PLXNA4: variants seen among roughly 807,000 people sequenced by gnomAD.
The protein encoded by PLXNA4 is plexin-A4.
In PLXNA4, 44 loss-of-function variants were observed where a neutral mutation model predicts 191.8. That is an observed-to-expected ratio of 0.23 (90% CI 0.18 to 0.29). PLXNA4 has a LOEUF of 0.29. PLXNA4 is among the 10% of genes least tolerant of loss of function. The pLI, the probability that PLXNA4 is intolerant of heterozygous loss-of-function variation, is 1.00. For missense variants in PLXNA4, 1,800 were observed against 2,488.8 expected (o/e 0.72, Z 5.89); for synonymous variants, 1,082 against 1,009.5 (o/e 1.07, Z -1.36).
chr7:132,319,092 G>T (rs111873407), intron 3 of PLXNA4, among the ~76,000 whole-genome samples: 35 of 152,222 alleles, frequency 2.3e-4, no homozygotes, highest in African/African-American at 8.2e-4. Flanking sequence ...CCATCCAAAG[G>T]CCCTTCTGAA....
At chr7:132,495,847 C>T (rs928527308) in intron 2 of PLXNA4, among the ~76,000 whole-genome samples, 2 of 152,168 alleles carry the variant, frequency 1.3e-5, no homozygotes, top group East Asian at 3.8e-4. Flanking sequence ...GAACTCCCTG[C>T]GTTCAGCAAG....
At chr7:132,631,283 A>G (rs1227332299) in intron 2 of PLXNA4, among the ~76,000 whole-genome samples, 1 of 152,188 alleles carries the variant, frequency 6.6e-6, no homozygotes. Context: ...TTATCTCATT[A>G]CTTTGTGTAT....
At chr7:132,335,555 C>T (rs62466385) in intron 3 of PLXNA4, among the ~76,000 whole-genome samples, 17,078 of 152,196 alleles carry the variant, frequency 0.11, 1,201 homozygotes, top group Admixed American at 0.22. Flanking sequence ...CCCCCGGCAC[C>T]GGCCTTTTTA....
At chr7:132,455,675 T>C (rs1796287939) in intron 3 of PLXNA4, among the ~76,000 whole-genome samples, 1 of 151,978 alleles carries the variant, frequency 6.6e-6, no homozygotes, top group Non-Finnish European at 1.5e-5. Flanking sequence ...TTCGAAATTG[T>C]GCATCAAGCG....
chr7:132,444,605 T>G (rs1795824996), intron 3 of PLXNA4, among the ~76,000 whole-genome samples: 1 of 152,210 alleles, frequency 6.6e-6, no homozygotes. Flanking sequence ...TGTCATCTAA[T>G]GAACATGTAA....
At position 132,489,307 on chromosome 7, in the gene PLXNA4, A is replaced by G; in HGVS notation, c.1356T>C (p.Ser452=). The part of the protein sequence containing the change: ...NHSLAFVGTK[S]GKLKKIRVDG... ...TCATTCCTACCTTCTTCAGCTTGCC[A>G]CTTTTGGTGCCCACAAAGGCCAGAG... Residue 452 remains serine, a synonymous_variant, in exon 3 of 32, where the codon AGT becomes AGC. Transcript: ENST00000321063. 1 of 1,584,586 alleles carries G rather than the reference A, an allele frequency of 6.3e-7. No individual in the cohort carries two copies. The highest frequency in any genetic ancestry group is 8.7e-7 in the Non-Finnish European group (1 of 1,155,258).
chr7:132,134,447 C>T (rs1795055979), intron 30 of PLXNA4, among the ~76,000 whole-genome samples: 1 of 152,170 alleles, frequency 6.6e-6, no homozygotes, highest in Non-Finnish European at 1.5e-5. Flanking sequence ...CAATTTGCAC[C>T]AGAGCATCCC....
intron 3 of PLXNA4, among the ~76,000 whole-genome samples, chr7:132,419,189 C>T (rs547774870): frequency 5.3e-5 from 8 of 152,106 alleles, no homozygotes; most frequent in Admixed American, 2.6e-4. Flanking sequence ...GAAAATTGGG[C>T]GAGAACAAGG....
intron 24 of PLXNA4, among the ~76,000 whole-genome samples, chr7:132,161,596 T>C (rs1180358051): frequency 6.6e-6 from 1 of 152,204 alleles, no homozygotes; most frequent in Non-Finnish European, 1.5e-5. Context: ...CCCAGGCAAC[T>C]AGCTAGTGCT....
At chr7:132,540,416 AC>A (rs1800019671) in intron 1 of PLXNA4, among the ~76,000 whole-genome samples, 1 of 151,762 alleles carries the variant, frequency 6.6e-6, no homozygotes, top group Non-Finnish European at 1.5e-5. Flanking sequence ...AGCTCCAATC[AC>A]CCCTTCCCAA....
At position 132,508,174 on chromosome 7, in the gene PLXNA4, C is replaced by T. The variant is rs146112863; in HGVS notation, c.520G>A (p.Val174Ile). ...NESGSVFGVI[V>I]SYSNLDDKLF... ...TTGTCATCCAGGTTGCTGTAGGAGA[C>T]GATCACTCCAAAGACTGAGCCGCTC... The change falls in exon 2 of 32, where the codon GTC (valine) becomes ATC (isoleucine). Residue 174 changes from valine (V) to isoleucine (I), a missense_variant. Around this residue, in one of 6 missense-constraint regions of PLXNA4, gnomAD observed 1,397 missense variants for 1,880.4 expected, o/e 0.74. Coordinates refer to ENST00000321063, the MANE Select transcript of PLXNA4 (RefSeq NM_020911.2). This position sits in a 1 kb window ranked among gnomAD's most constrained non-coding sequence, Gnocchi z 4.4. 8.7e-6 allele frequency: 14 copies of T among 1,614,040 alleles called. No homozygotes were observed. The highest frequency in any genetic ancestry group is 8.0e-5 in the African/African-American group (6 of 74,928).
At chr7:132,460,101 C>T (rs1411323140) in intron 3 of PLXNA4, among the ~76,000 whole-genome samples, 1 of 152,112 alleles carries the variant, frequency 6.6e-6, no homozygotes, top group Non-Finnish European at 1.5e-5. Flanking sequence ...CTCCGGTAAT[C>T]CCAGCACTTT....
intron 21 of PLXNA4, among the ~76,000 whole-genome samples, chr7:132,169,007 C>G (rs756329132): frequency 1.3e-4 from 20 of 152,320 alleles, no homozygotes; most frequent in Admixed American, 6.5e-5. Context: ...AATGCCCACC[C>G]CTCTCCAGCC....
At chr7:132,456,650 C>T (rs1796325903) in intron 3 of PLXNA4, among the ~76,000 whole-genome samples, 1 of 152,074 alleles carries the variant, frequency 6.6e-6, no homozygotes, top group African/African-American at 2.4e-5. Flanking sequence ...CACTGGGGAG[C>T]CCTTAACAGA....
intron 3 of PLXNA4, among the ~76,000 whole-genome samples, chr7:132,355,145 A>T (rs1041855781): frequency 2.6e-5 from 4 of 152,168 alleles, no homozygotes; most frequent in Admixed American, 6.5e-5. Flanking sequence ...GATCTCCAGC[A>T]GGTAATGCAC....
intron 2 of PLXNA4, among the ~76,000 whole-genome samples, chr7:132,602,793 G>A (rs1258084734): frequency 6.6e-6 from 1 of 152,194 alleles, no homozygotes; most frequent in African/African-American, 2.4e-5. Context: ...CACAGACATG[G>A]TGAGAAGGTC....
intron 4 of PLXNA4, among the ~76,000 whole-genome samples, chr7:132,261,836 T>A (rs1799657107): frequency 1.3e-5 from 2 of 152,170 alleles, no homozygotes; most frequent in Admixed American, 6.5e-5. Context: ...GAGGAGTCCT[T>A]GTGCAGTGAC....
At chr7:132,422,666 G>A (rs529982633) in intron 3 of PLXNA4, among the ~76,000 whole-genome samples, 27 of 152,332 alleles carry the variant, frequency 1.8e-4, no homozygotes, top group South Asian at 6.2e-4. Flanking sequence ...CAGATGTCCA[G>A]TTGCCAGTTT....
chr7:132,595,767 T>C (rs528329011), intron 2 of PLXNA4, among the ~76,000 whole-genome samples: 23 of 152,178 alleles, frequency 1.5e-4, no homozygotes, highest in African/African-American at 2.2e-4. Flanking sequence ...TTCAAATGTA[T>C]ATAAACTGTT....
Sources: allele counts gnomAD v4.1 joint callset (sites outside exome capture counted in the v4.1 genomes callset), GRCh38; gene constraint gnomAD v4.1.1; regional missense constraint gnomAD v4.1.1; non-coding constraint Gnocchi (gnomAD v3.1); transcripts MANE v1.5; gene names NCBI Gene and HGNC (gene_info 2026-07-23, HGNC 2026-07-21).